Variants in POLR1A observed in about 807,000 individuals in gnomAD.
The protein encoded by POLR1A is RNA polymerase I subunit A.
A neutral mutation model predicts 205.3 loss-of-function variants in POLR1A; 84 were observed. That is an observed-to-expected ratio of 0.41 (90% CI 0.34 to 0.49). POLR1A has a LOEUF of 0.49. Ranked by LOEUF, POLR1A falls within the 20% of genes least tolerant of loss-of-function variation. The probability of loss-of-function intolerance (pLI) is 0.22; values close to 1 mark genes in which losing one functional copy is unlikely to be tolerated. For synonymous variants in POLR1A, 799 were observed against 863.7 expected, an observed-to-expected ratio of 0.93 and a Z score of 1.31; for missense variants, 1,645 against 2,204.5, an observed-to-expected ratio of 0.75 and a Z score of 5.08.
intron 30 of POLR1A, 79 bp downstream of exon 30, chr2:86,031,251 G>C: frequency 6.7e-7 from 1 of 1,493,600 alleles, no homozygotes; most frequent in Non-Finnish European, 8.9e-7. Flanking sequence ...GTGCAGGGGA[G>C]CTCAGCAGGC....
intron 11 of POLR1A, among the ~76,000 whole-genome samples, chr2:86,076,854 TCCTCGGGA>T (rs1673294206): frequency 6.6e-6 from 1 of 152,168 alleles, no homozygotes. Context: ...GCTACATGTC[TCCTCGGGA>T]CCTCAGATTT....
In POLR1A at chr2:86,027,136, C is replaced by T; in HGVS notation, c.*287G>A. ...GTTATGCCACAGAGGCCTCCTGCAGCACAGGTGAGGCCCCAGCCATCTCAG... is the reference window on the plus strand; with the variant it reads ...GTTATGCCACAGAGGCCTCCTGCAGTACAGGTGAGGCCCCAGCCATCTCAG... On this transcript the variant is annotated 3_prime_UTR_variant, in exon 34 of 34. Coordinates refer to ENST00000263857, the MANE Select transcript of POLR1A (RefSeq NM_015425.6). 2.0e-6 allele frequency: 1 copy of T among 489,276 alleles called. No individual in the cohort carries two copies. The highest frequency in any genetic ancestry group is 3.7e-6 in the Non-Finnish European group (1 of 268,702). The allele number at this position is 489,276 out of a possible 1,614,324, so 30.3% of individuals were successfully genotyped here.
chr2:86,046,574 G>A (rs1394795356), intron 19 of POLR1A, among the ~76,000 whole-genome samples: 3 of 152,050 alleles, frequency 2.0e-5, no homozygotes, highest in East Asian at 1.9e-4. Flanking sequence ...GGCCAGGTGC[G>A]GTGGCTCATG....
intron 12 of POLR1A, among the ~76,000 whole-genome samples, chr2:86,071,186 A>AC (rs397787013): frequency 6.6e-6 from 1 of 150,416 alleles, no homozygotes; most frequent in Non-Finnish European, 1.5e-5. Context: ...AAAAAAAAAA[A>AC]CAATTTAAAA....
chr2:86,061,380 G>T (rs1672992489), intron 14 of POLR1A, among the ~76,000 whole-genome samples: 1 of 152,246 alleles, frequency 6.6e-6, no homozygotes, highest in Non-Finnish European at 1.5e-5. Flanking sequence ...CTGGGAGGCA[G>T]AGGTTGCAGT....
intron 4 of POLR1A, among the ~76,000 whole-genome samples, chr2:86,089,457 G>C (rs1673563012): frequency 6.6e-6 from 1 of 152,222 alleles, no homozygotes; most frequent in African/African-American, 2.4e-5. Context: ...TTCATTCGTT[G>C]AACAAATTAA....
intron 12 of POLR1A, among the ~76,000 whole-genome samples, chr2:86,071,476 C>T (rs1019591): frequency 0.062 from 9,359 of 152,166 alleles, 418 homozygotes; most frequent in East Asian, 0.23. Context: ...ATCTTAGCAT[C>T]GTTCTTCCTA....
intron 30 of POLR1A, 50 bp from the exon 31 acceptor site, chr2:86,030,446 C>T (rs1331256462): frequency 1.5e-6 from 2 of 1,339,692 alleles, no homozygotes; most frequent in Non-Finnish European, 1.1e-6. Context: ...CCAGTCCCCA[C>T]AAAGAGGACT....
Position 86,070,698 on chromosome 2 carries a change from C to A in POLR1A, c.1612-426G>T, listed in dbSNP as rs1004592476. Among the ~76,000 whole-genome samples, 3 of 27,178 alleles carry A rather than the reference C, an allele frequency of 1.1e-4. No homozygotes were observed. The highest frequency in any genetic ancestry group is 1.4e-4 in the African/African-American group (2 of 14,354). The allele number at this position is 27,178 out of a possible 152,430, so 17.8% of individuals were successfully genotyped here. On this transcript the variant is annotated intron_variant, in intron 12 of 33. Coordinates refer to ENST00000263857, the MANE Select transcript of POLR1A (RefSeq NM_015425.6). The surrounding 1 kb of genome is among the most constrained non-coding windows in gnomAD (Gnocchi z 4.4). ...AAGGCATTGGCAGACTTTCGAATCC[C>A]CCCCCCGCCGTGATCACATGTGAGT...
intron 1 of POLR1A, among the ~76,000 whole-genome samples, chr2:86,105,116 G>A (rs886320120): frequency 5.3e-5 from 8 of 152,204 alleles, no homozygotes; most frequent in African/African-American, 1.9e-4. Context: ...GGAAGAGAGG[G>A]AGGTAGAAGT....
intron 14 of POLR1A, 92 bp downstream of exon 14, chr2:86,065,182 G>C: frequency 8.7e-7 from 1 of 1,147,918 alleles, no homozygotes; most frequent in Non-Finnish European, 1.3e-6. Context: ...CCATTTCTCT[G>C]TCTCTGGTCT....
intron 7 of POLR1A, 129 bp downstream of exon 7, chr2:86,082,953 C>T: frequency 2.9e-6 from 2 of 693,096 alleles, no homozygotes; most frequent in Non-Finnish European, 5.0e-6. Flanking sequence ...CTGCCCCAAA[C>T]CTCTGGATCA....
intron 16 of POLR1A, 116 bp from the exon 17 acceptor site, chr2:86,049,358 A>C (rs547165017): frequency 2.8e-6 from 2 of 710,824 alleles, no homozygotes; most frequent in Admixed American, 2.2e-5. Context: ...GAAATACCTG[A>C]GTAAGGAAGA....
intron 3 of POLR1A, among the ~76,000 whole-genome samples, chr2:86,090,163 G>A (rs1673576186): frequency 6.6e-6 from 1 of 152,136 alleles, no homozygotes; most frequent in Non-Finnish European, 1.5e-5. Context: ...GGAGGCAGAG[G>A]CAGGCGGATC....
At chr2:86,053,750 C>T (rs926859264) in intron 15 of POLR1A, among the ~76,000 whole-genome samples, 3 of 152,216 alleles carry the variant, frequency 2.0e-5, no homozygotes, top group African/African-American at 7.2e-5. Context: ...ACAGCTCTCT[C>T]TGCCCTGGGC....
In POLR1A at chr2:86,049,403, T is replaced by C. The variant is rs538718018; in HGVS notation, c.2393-161A>G. On this transcript the variant is annotated intron_variant, in intron 16 of 33. Coordinates refer to ENST00000263857, the MANE Select transcript of POLR1A (RefSeq NM_015425.6). ...CATCATTATTAACAGATTGCCACCA[T>C]CTCTTAGGTGCTTACCAGAGCCCAA... 2.6e-5 allele frequency among the ~76,000 whole-genome samples: 4 copies of C among 152,278 alleles called. No homozygotes were observed. The East Asian group carries it at 7.7e-4, about 29-fold the overall frequency.
At chr2:86,094,277 T>A (rs1299441461) in intron 3 of POLR1A, among the ~76,000 whole-genome samples, 2 of 152,256 alleles carry the variant, frequency 1.3e-5, no homozygotes, top group African/African-American at 4.8e-5. Flanking sequence ...CTTTCATTTA[T>A]ATCAACATAA....
intron 15 of POLR1A, 52 bp from the exon 16 acceptor site, chr2:86,053,052 G>C: frequency 1.4e-6 from 2 of 1,397,382 alleles, no homozygotes; most frequent in Non-Finnish European, 1.9e-6. Flanking sequence ...CCTCCTGTGG[G>C]AGTCACCCAC....
At position 86,047,240 on chromosome 2, in the gene POLR1A, G is replaced by A; in HGVS notation, c.2658C>T (p.His886=). ...INKACMPFGL[H]RQFPENSLQM... ...GCAGGCTGTTCTCTGGGAACTGTCT[G>A]TGTAGGCCAAAAGGCATGCATGCCT... The change falls in exon 19 of 34, where the codon CAC becomes CAT. Residue 886 remains histidine (H), a synonymous_variant. Coordinates refer to ENST00000263857, the MANE Select transcript of POLR1A (RefSeq NM_015425.6). 1 of 1,613,942 alleles carries A rather than the reference G, an allele frequency of 6.2e-7. No homozygotes were observed. Among genetic ancestry groups the A allele is most frequent in the South Asian group, 1.1e-5 (1 of 91,082 alleles).
Sources: gnomAD v4.1 joint callset for allele counts (sites outside exome capture counted in the v4.1 genomes callset) on GRCh38, gnomAD v4.1.1 for gene constraint, Gnocchi (gnomAD v3.1) non-coding constraint, MANE v1.5 for transcripts, NCBI Gene and HGNC (gene_info 2026-07-23, HGNC 2026-07-21) for gene names.